Variants in DPP6 observed in about 807,000 individuals in gnomAD.
The protein encoded by DPP6 is dipeptidyl peptidase like 6, also known as A-type potassium channel modulatory protein DPP6.
A neutral mutation model predicts 122.6 loss-of-function variants in DPP6; 69 were observed. The observed-to-expected ratio is 0.56, with a 90% confidence interval of 0.46 to 0.69. The LOEUF is 0.69. Ranked by LOEUF, DPP6 falls within the 30% of genes least tolerant of loss-of-function variation. DPP6 has a pLI of 0.00. For synonymous variants in DPP6, 418 were observed against 433.1 expected (o/e 0.97, Z 0.43); for missense variants, 928 against 1,116.9 (o/e 0.83, Z 2.41).
intron 7 of DPP6, among the ~76,000 whole-genome samples, chr7:154,725,255 T>A (rs77729952): frequency 1.3e-5 from 2 of 152,172 alleles, no homozygotes; most frequent in Admixed American, 6.5e-5. Context: ...CTAGGAAAAA[T>A]TGGATTGCAA....
rs76632801 is a variant in DPP6, at chr7:154,784,477, G to C, written c.1137-9602G>C. On this transcript the variant is annotated intron_variant, in intron 10 of 25. Coordinates refer to ENST00000377770, the MANE Select transcript of DPP6 (RefSeq NM_130797.4). ...AGAAACACTTCACTGTTAAATCACA[G>C]CAACGTACTTGTTCCTTCATTTTTT... Among the ~76,000 whole-genome samples, 821 of 152,278 alleles carry C rather than the reference G, an allele frequency of 5.4e-3. 12 individuals are homozygous for C. The highest frequency in any genetic ancestry group is 0.018 in the African/African-American group (760 of 41,546).
intron 1 of DPP6, among the ~76,000 whole-genome samples, chr7:154,016,093 C>T (rs1231928880): frequency 1.3e-5 from 2 of 152,180 alleles, no homozygotes; most frequent in Non-Finnish European, 2.9e-5. Flanking sequence ...CGAAGGCTCT[C>T]TCATAGATCT....
rs577500701 is a variant in DPP6 at position 154,695,908 on chromosome 7, G to T, written c.762+26467G>T. On this transcript the variant is annotated intron_variant, in intron 7 of 25. Coordinates refer to ENST00000377770, the MANE Select transcript of DPP6 (RefSeq NM_130797.4). ...TCCTTCCTGATCAAACAAGCGGACC[G>T]TGCTGAGACACCTCCCCGAAAGCCA... Among the ~76,000 whole-genome samples the T allele has an allele frequency of 5.9e-5, 9 of 152,312 alleles. 1 individual carries two copies. The East Asian group carries it at 1.5e-3, about 26-fold the overall frequency.
intron 16 of DPP6, among the ~76,000 whole-genome samples, chr7:154,824,619 G>T (rs1260907712): frequency 2.0e-5 from 3 of 152,162 alleles, no homozygotes; most frequent in Non-Finnish European, 4.4e-5. Flanking sequence ...AATTAGAAGA[G>T]GTGGGAAGTA....
intron 1 of DPP6, among the ~76,000 whole-genome samples, chr7:153,953,232 GT>G (rs1285577319): frequency 4.6e-5 from 7 of 151,914 alleles, no homozygotes; most frequent in Admixed American, 1.3e-4. Flanking sequence ...CTCATATCTA[GT>G]TTGCATTTTA....
At chr7:154,617,994 A>G (rs1186332229) in intron 5 of DPP6, among the ~76,000 whole-genome samples, 1 of 152,138 alleles carries the variant, frequency 6.6e-6, no homozygotes, top group Non-Finnish European at 1.5e-5. Context: ...TAGGGGCTGC[A>G]GACCCGGGAC....
intron 5 of DPP6, among the ~76,000 whole-genome samples, chr7:154,613,346 G>A (rs574461372): frequency 1.1e-4 from 17 of 152,220 alleles, no homozygotes; most frequent in African/African-American, 3.9e-4. Context: ...AGCAGGCTGG[G>A]TGCTGTGGCT....
At chr7:154,488,992 A>G (rs1824040156) in intron 3 of DPP6, among the ~76,000 whole-genome samples, 1 of 152,230 alleles carries the variant, frequency 6.6e-6, no homozygotes, top group Admixed American at 6.5e-5. Flanking sequence ...ACAAAAAGTG[A>G]CAGGATGACA....
the DPP6 span, among the ~76,000 whole-genome samples, chr7:153,880,892 C>T: frequency 2.7e-4 from 41 of 152,290 alleles, no homozygotes; most frequent in Middle Eastern, 0.02. Context: ...TCATTTCTTT[C>T]ACTCTTAGTC....
rs977311203 is a variant in DPP6 at position 154,833,434 on chromosome 7, G to A, written c.1667-20346G>A. On this transcript the variant is annotated intron_variant, in intron 16 of 25. Transcript: ENST00000377770. The surrounding 1 kb of genome is among the most constrained non-coding windows in gnomAD (Gnocchi z 4.3). ...AGAAGGAGCAAGAAGTGACTTCTGT[G>A]TGCCTTGGCTGCCTCATCTACAAAT... 6.6e-6 allele frequency among the ~76,000 whole-genome samples: 1 copy of A among 152,222 alleles called. No individual in the cohort carries two copies. The highest frequency in any genetic ancestry group is 6.5e-5 in the Admixed American group (1 of 15,280).
At chr7:154,842,892 T>C (rs1220665981) in intron 16 of DPP6, among the ~76,000 whole-genome samples, 1 of 152,226 alleles carries the variant, frequency 6.6e-6, no homozygotes, top group Non-Finnish European at 1.5e-5. Context: ...TGTTGTTGCA[T>C]GCTCCAAGGC....
At chr7:154,404,142 T>A (rs1815875289) in intron 1 of DPP6, among the ~76,000 whole-genome samples, 1 of 152,182 alleles carries the variant, frequency 6.6e-6, no homozygotes, top group Non-Finnish European at 1.5e-5. Flanking sequence ...GGGTGACCAC[T>A]CTCACTGGAC....
At chr7:153,789,197 C>A in the DPP6 span, among the ~76,000 whole-genome samples, 1 of 152,198 alleles carries the variant, frequency 6.6e-6, no homozygotes, top group Non-Finnish European at 1.5e-5. Flanking sequence ...AATTTAATTG[C>A]AGTGTGTTTT....
At chr7:153,966,439 C>G (rs1371300263) in intron 1 of DPP6, among the ~76,000 whole-genome samples, 2 of 149,038 alleles carry the variant, frequency 1.3e-5, no homozygotes, top group Non-Finnish European at 3.0e-5. Flanking sequence ...TTCCCCTCGT[C>G]TTCCCTCTGC....
At chr7:154,471,342 C>T (rs912451671) in intron 2 of DPP6, among the ~76,000 whole-genome samples, 1 of 152,134 alleles carries the variant, frequency 6.6e-6, no homozygotes, top group Non-Finnish European at 1.5e-5. Flanking sequence ...AAGACATCCT[C>T]ATAAGAAGGA....
chr7:154,175,926 GACCCACCC>G (rs1360266133), intron 1 of DPP6, among the ~76,000 whole-genome samples: 1 of 151,992 alleles, frequency 6.6e-6, no homozygotes, highest in African/African-American at 2.4e-5. Context: ...GACCTCAAGT[GACCCACCC>G]ACCTCGGCCT....
chr7:154,102,879 A>G (rs1056412860), intron 1 of DPP6, among the ~76,000 whole-genome samples: 45 of 152,240 alleles, frequency 3.0e-4, no homozygotes, highest in Non-Finnish European at 4.3e-4. Context: ...CATCCACAGG[A>G]TTTTATGGAA....
At chr7:154,253,536 G>A (rs1013573899) in intron 1 of DPP6, among the ~76,000 whole-genome samples, 22 of 152,246 alleles carry the variant, frequency 1.4e-4, no homozygotes, top group Admixed American at 1.1e-3. Context: ...GACTTGACTA[G>A]ACGTGATTTC....
At chr7:153,918,524 AACACACACACACAC>A (rs71182852) in intron 1 of DPP6, among the ~76,000 whole-genome samples, 1,262 of 77,484 alleles carry the variant, frequency 0.016, 28 homozygotes, top group African/African-American at 0.044. Flanking sequence ...AGGTAATTAA[AACACACACACACAC>A]ACACACACAC....
Sources: allele counts gnomAD v4.1 joint callset (sites outside exome capture counted in the v4.1 genomes callset), GRCh38; gene constraint gnomAD v4.1.1; non-coding constraint Gnocchi (gnomAD v3.1); transcripts MANE v1.5; gene names NCBI Gene and HGNC (gene_info 2026-07-23, HGNC 2026-07-21).